KIF15: variants seen among roughly 807,000 people sequenced by gnomAD.
The protein encoded by KIF15 is kinesin-like protein KIF15.
Under a neutral mutation model 190.6 loss-of-function variants are expected in KIF15, and 140 were observed. That is an observed-to-expected ratio of 0.73 (90% CI 0.64 to 0.84). KIF15 has a LOEUF of 0.84. Among genes scored for constraint, KIF15 ranks in the 40% least tolerant of loss-of-function variants. The pLI, the probability that KIF15 is intolerant of heterozygous loss-of-function variation, is 0.00. For synonymous variants in KIF15, 528 were observed against 551.3 expected, an observed-to-expected ratio of 0.96 and a Z score of 0.59; for missense variants, 1,372 against 1,584.4, an observed-to-expected ratio of 0.87 and a Z score of 2.28.
chr3:44,825,467 C>G (rs78970572), intron 20 of KIF15, among the ~76,000 whole-genome samples: 2,837 of 152,230 alleles, frequency 0.019, 76 homozygotes, highest in African/African-American at 0.064. Context: ...TGTGGTAGTT[C>G]TTGGCTGAGC....
intron 6 of KIF15, chr3:44,861,983 C>G: frequency 7.2e-7 from 1 of 1,383,730 alleles, no homozygotes; most frequent in Non-Finnish European, 9.4e-7. Flanking sequence ...TACCCTGACA[C>G]CCCCGCGGAA....
chr3:44,854,387 A>G (rs1005028273), downstream of KIF15, among the ~76,000 whole-genome samples: 12 of 151,116 alleles, frequency 7.9e-5, no homozygotes, highest in East Asian at 3.9e-4. Context: ...AAAAAAAAAA[A>G]GGGAACTATA....
intron 27 of KIF15, among the ~76,000 whole-genome samples, chr3:44,838,698 A>G (rs191243841): frequency 6.6e-6 from 1 of 151,336 alleles, no homozygotes; most frequent in East Asian, 2.0e-4. Context: ...CAATGAGCCA[A>G]GATTGCACCA....
chr3:44,858,125 C>A (rs139399419), downstream of KIF15, among the ~76,000 whole-genome samples: 1 of 151,740 alleles, frequency 6.6e-6, no homozygotes, highest in African/African-American at 2.4e-5. Flanking sequence ...GAGGCTGGGA[C>A]GAGGGGTGTA....
chr3:44,779,207 T>C (rs1164971539), intron 4 of KIF15, among the ~76,000 whole-genome samples: 3 of 152,168 alleles, frequency 2.0e-5, no homozygotes, highest in Non-Finnish European at 4.4e-5. Flanking sequence ...CTTTTGTTTT[T>C]TGAGCCCCTT....
At chr3:44,851,605 C>CA (rs754931780) in intron 32 of KIF15, among the ~76,000 whole-genome samples, 182 bp from the exon 33 acceptor site, 1 of 151,710 alleles carries the variant, frequency 6.6e-6, no homozygotes, top group Non-Finnish European at 1.5e-5. Flanking sequence ...AAAACAAAAC[C>CA]AAAAAAAGCA....
intron 14 of KIF15, among the ~76,000 whole-genome samples, chr3:44,803,362 T>A (rs917720002): frequency 2.6e-5 from 4 of 152,230 alleles, no homozygotes; most frequent in African/African-American, 9.6e-5. Context: ...TTTATCAATC[T>A]AATTAGTCCT....
rs1697744927 is a variant in KIF15, at chr3:44,827,663, T to C, written c.2856+135T>C. ...AGAAAGAAATGGAATTTGGGGCTGG[T>C]TCTATTATTTTTAATTTTATTTTTT... On this transcript the variant is annotated intron_variant, in intron 23 of 34. Coordinates refer to ENST00000326047, the MANE Select transcript of KIF15 (RefSeq NM_020242.3). The C allele has an allele frequency of 5.8e-6, 3 of 519,790 alleles. No homozygotes were observed. The East Asian group carries it at 1.0e-4, about 17-fold the overall frequency. The allele number at this position is 519,790 out of a possible 1,614,324, so 32.2% of individuals were successfully genotyped here.
At chr3:44,774,548 T>C in intron 2 of KIF15, 111 bp downstream of exon 2, 1 of 909,958 alleles carries the variant, frequency 1.1e-6, no homozygotes, top group Admixed American at 2.7e-5. Flanking sequence ...AACTTAGTCC[T>C]CAACCAGCTG....
At chr3:44,815,552 T>C (rs2125666245) in intron 20 of KIF15, among the ~76,000 whole-genome samples, 2 of 152,320 alleles carry the variant, frequency 1.3e-5, no homozygotes, top group African/African-American at 4.8e-5. Flanking sequence ...GTAATGTGCC[T>C]GCTCTGGAGG....
At chr3:44,768,779 A>G (rs988264047) in intron 1 of KIF15, among the ~76,000 whole-genome samples, 17 of 152,208 alleles carry the variant, frequency 1.1e-4, no homozygotes, top group Admixed American at 7.8e-4. Context: ...TAAGAGGCCA[A>G]TCTAAAGGTT....
intron 26 of KIF15, among the ~76,000 whole-genome samples, chr3:44,834,895 T>C (rs1251972582): frequency 6.6e-6 from 1 of 151,668 alleles, no homozygotes; most frequent in Non-Finnish European, 1.5e-5. Context: ...ATCGCGCCAC[T>C]GCACTCCAGC....
intron 13 of KIF15, 113 bp from the exon 14 acceptor site, chr3:44,802,701 G>A (rs1707333992): frequency 9.8e-7 from 1 of 1,025,122 alleles, no homozygotes; most frequent in Admixed American, 2.8e-5. Context: ...TTGCAGAAGG[G>A]TACCACCAGT....
Position 44,840,363 on chromosome 3 carries a change from A to G in KIF15, c.3327A>G (p.Gln1109=). 1.2e-6 allele frequency: 2 copies of G among 1,601,338 alleles called. No individual in the cohort carries two copies. Among genetic ancestry groups the G allele is most frequent in the Non-Finnish European group, 1.7e-6 (2 of 1,173,234 alleles). The part of the protein sequence containing the change: ...LIQELQHKLN[Q]KKEEVEQKKN... ...CTGTTCAATTTTCCCAGCTAAACCA[A>G]AAGAAAGAGGAAGTAGAACAGAAGA... Residue 1109 remains glutamine, a synonymous_variant, in exon 28 of 35, where the codon CAA becomes CAG. Transcript: ENST00000326047.
chr3:44,808,797 A>G (rs534040686), intron 16 of KIF15, among the ~76,000 whole-genome samples: 1 of 152,226 alleles, frequency 6.6e-6, no homozygotes, highest in South Asian at 2.1e-4. Flanking sequence ...GTTAATGTGG[A>G]AAGATCCAAG....
rs774621537 is a variant in KIF15 at position 44,852,678 on chromosome 3, A to G, written c.4110A>G (p.Thr1370=). The G allele has an allele frequency of 3.1e-6, 5 of 1,592,334 alleles. No homozygotes were observed. The highest frequency in any genetic ancestry group is 4.3e-6 in the Non-Finnish European group (5 of 1,172,582). Residue 1370 remains threonine, a synonymous_variant, in exon 35 of 35, where the codon ACA becomes ACG. Transcript: ENST00000326047. ...KKENVRLAEE[T]EKLRAENVFL... Reference sequence around the variant, plus strand: ...GTTTTTTTAAAATTACTTAGGAGACAGAAAAGTTGCGTGCCGAAAATGTAT... The same window carrying G: ...GTTTTTTTAAAATTACTTAGGAGACGGAAAAGTTGCGTGCCGAAAATGTAT...
Position 44,814,940 on chromosome 3 carries a change from G to A in KIF15, c.2413G>A (p.Val805Ile), listed in dbSNP as rs1313034861. 12 of 1,609,820 alleles carry A rather than the reference G, an allele frequency of 7.5e-6. No individual in the cohort carries two copies. The highest frequency in any genetic ancestry group is 1.0e-5 in the Non-Finnish European group (12 of 1,178,768). Reference protein sequence around the residue: ...FLKSEVHDLRVVLHSADKELS... With the variant: ...FLKSEVHDLRIVLHSADKELS... Reference sequence around the variant, plus strand: ...GAAAAGTGAGGTACATGACCTGCGAGTAGTCCTTCATTCTGCTGACAAGGA... The same window carrying A: ...GAAAAGTGAGGTACATGACCTGCGAATAGTCCTTCATTCTGCTGACAAGGA... Residue 805 changes from valine (V) to isoleucine (I), a missense_variant, in exon 20 of 35, where the codon GTA becomes ATA. Transcript: ENST00000326047.
intron 26 of KIF15, among the ~76,000 whole-genome samples, chr3:44,833,692 C>G (rs1299354165): frequency 7.2e-6 from 1 of 138,780 alleles, no homozygotes; most frequent in Non-Finnish European, 1.7e-5. Context: ...TAACAAGCCA[C>G]AGACTGATAG....
chr3:44,821,150 C>T (rs1276771279), intron 20 of KIF15, among the ~76,000 whole-genome samples: 15 of 147,812 alleles, frequency 1.0e-4, no homozygotes, highest in South Asian at 6.4e-4. Flanking sequence ...ACCTCCCTCC[C>T]GGACGGGGCA....
Sources: gnomAD v4.1 joint callset for allele counts (sites outside exome capture counted in the v4.1 genomes callset) on GRCh38, gnomAD v4.1.1 for gene constraint, MANE v1.5 for transcripts, NCBI Gene and HGNC (gene_info 2026-07-23, HGNC 2026-07-21) for gene names.